CC2D1B: variants seen among roughly 807,000 people sequenced by gnomAD.
The protein encoded by CC2D1B is coiled-coil and C2 domain-containing protein 1B.
A neutral mutation model predicts 110.8 loss-of-function variants in CC2D1B; 92 were observed. The observed-to-expected ratio is 0.83, with a 90% CI of 0.70 to 0.99. The LOEUF (loss-of-function observed/expected upper bound fraction) is 0.99. CC2D1B is among the 50% of genes least tolerant of loss of function. The pLI is 0.00. For synonymous variants in CC2D1B, 406 were observed against 429.2 expected, an observed-to-expected ratio of 0.95 and a Z score of 0.67; for missense variants, 1,136 against 1,089.0, an observed-to-expected ratio of 1.04 and a Z score of -0.61.
intron 3 of CC2D1B, 45 bp downstream of exon 3, chr1:52,362,557 C>A: frequency 6.2e-7 from 1 of 1,611,362 alleles, no homozygotes; most frequent in Admixed American, 1.7e-5. Context: ...CCAGCCTGTG[C>A]CCATCTTGTC....
At chr1:52,355,352 C>T in intron 21 of CC2D1B, 46 bp downstream of exon 21, 1 of 1,600,344 alleles carries the variant, frequency 6.2e-7, no homozygotes, top group Non-Finnish European at 8.6e-7. Flanking sequence ...CCAGTGCTGC[C>T]CACACACTCT....
rs557312518 is a variant in CC2D1B, at chr1:52,359,076, C to T, written c.1208G>A (p.Arg403Gln). The T allele has an allele frequency of 1.1e-5, 18 of 1,609,174 alleles. No homozygotes were observed. The highest frequency in any genetic ancestry group is 2.2e-5 in the East Asian group (1 of 44,872). The change falls in exon 11 of 25, where the codon CGG becomes CAG. Residue 403 changes from arginine to glutamine, a missense_variant. By Grantham distance (43) the Arg-to-Gln change is conservative (BLOSUM62 1). Coordinates refer to ENST00000284376, the MANE Select transcript of CC2D1B (RefSeq NM_001330585.2). ...AGCCTTGCGCTCGTCCCCACCACTC[C>T]GGGCCTGGATGCCCGCCTCGCGGTA... Reference protein sequence around the residue: ...NKYREAGIQARSGGDERKARM... With the variant: ...NKYREAGIQAQSGGDERKARM...
intron 1 of CC2D1B, 63 bp from the exon 2 acceptor site, chr1:52,364,697 A>G: frequency 9.0e-7 from 1 of 1,112,492 alleles, no homozygotes; most frequent in Non-Finnish European, 1.3e-6. Context: ...CAACAGTGCT[A>G]CCCGTGGTAA....
Position 52,359,811 on chromosome 1 carries a change from G to A in CC2D1B, c.836C>T (p.Pro279Leu), listed in dbSNP as rs145906514. 306 of 1,611,572 alleles carry A rather than the reference G, an allele frequency of 1.9e-4. No homozygotes were observed. In the African/African-American group the frequency reaches 1.9e-3, roughly 10 times the overall value. Residue 279 changes from proline to leucine, a missense_variant, in exon 8 of 25, where the codon CCG (proline) becomes CTG (leucine). Pro to Leu is a moderately conservative substitution (Grantham distance 98). Transcript: ENST00000284376. ...CTGTCGGGATGACAGCAGGGCCCGC[G>A]GGTCTGGGTCTAAGTCTGAAACGGG... Reference protein sequence around the residue: ...AQPVSDLDPDPRALLSSRQRE... With the variant: ...AQPVSDLDPDLRALLSSRQRE...
intron 1 of CC2D1B, 97 bp from the exon 2 acceptor site, chr1:52,364,731 G>A: frequency 1.5e-6 from 1 of 682,840 alleles, no homozygotes; most frequent in Non-Finnish European, 2.4e-6. Flanking sequence ...AACTCCCAAA[G>A]AAGGCAATGC....
chr1:52,355,308 G>C, intron 21 of CC2D1B, 90 bp downstream of exon 21: 1 of 1,354,926 alleles, frequency 7.4e-7, no homozygotes, highest in Non-Finnish European at 1.0e-6. Flanking sequence ...GGTGGATCAA[G>C]TAAGGGCATA....
chr1:52,364,799 G>A (rs950228126), intron 1 of CC2D1B, among the ~76,000 whole-genome samples, 165 bp from the exon 2 acceptor site: 4 of 152,236 alleles, frequency 2.6e-5, no homozygotes, highest in African/African-American at 9.6e-5. Context: ...CAGGCCATGG[G>A]AGGGATGGGG....
intron 6 of CC2D1B, 31 bp from the exon 7 acceptor site, chr1:52,360,264 C>G: frequency 3.7e-6 from 6 of 1,612,156 alleles, no homozygotes; most frequent in Non-Finnish European, 5.1e-6. Context: ...AGAAACCCAG[C>G]CAGCCATCTC....
chr1:52,360,916 T>G (rs1238992396), intron 5 of CC2D1B, 58 bp downstream of exon 5: 1 of 1,596,694 alleles, frequency 6.3e-7, no homozygotes, highest in East Asian at 2.2e-5. Flanking sequence ...GCCACACACG[T>G]GTTACGTCTG....
At chr1:52,360,401 G>A (rs1335255842) in intron 6 of CC2D1B, 23 bp downstream of exon 6, 1 of 1,611,664 alleles carries the variant, frequency 6.2e-7, no homozygotes, top group South Asian at 1.1e-5. Flanking sequence ...CCCCTGCCCT[G>A]CTCCCAGCCT....
chr1:52,357,134 G>A lies in CC2D1B; in HGVS notation c.1753-8C>T. 6.2e-7 allele frequency: 1 copy of A among 1,613,804 alleles called. No homozygotes were observed. The highest frequency in any genetic ancestry group is 1.1e-5 in the South Asian group (1 of 91,022). ...CGTCAAGGGCGAAGGCACCTACCCAGGTCACAAGGCCCCTCGGGCCCCAAG... is the reference window on the plus strand; with the variant it reads ...CGTCAAGGGCGAAGGCACCTACCCAAGTCACAAGGCCCCTCGGGCCCCAAG... On this transcript the variant is annotated splice_region_variant and splice_polypyrimidine_tract_variant and intron_variant, in intron 15 of 24. Coordinates refer to ENST00000284376, the MANE Select transcript of CC2D1B (RefSeq NM_001330585.2).
intron 3 of CC2D1B, 21 bp from the exon 4 acceptor site, chr1:52,361,637 C>T (rs1253992232): frequency 6.2e-7 from 1 of 1,613,446 alleles, no homozygotes; most frequent in Admixed American, 1.7e-5. Context: ...AAGGTCACAA[C>T]AAGTCAGCAC....
chr1:52,365,586 T>C (rs990766368), intron 1 of CC2D1B, among the ~76,000 whole-genome samples: 1 of 152,194 alleles, frequency 6.6e-6, no homozygotes, highest in Admixed American at 6.5e-5. Flanking sequence ...CGGCAGAATA[T>C]GAAAACCTCT....
At position 52,357,542 on chromosome 1, in the gene CC2D1B, G is replaced by C. The variant is rs759381090; in HGVS notation, c.1736C>G (p.Pro579Arg). The C allele has an allele frequency of 8.8e-5, 139 of 1,578,932 alleles. 2 individuals carry two copies. In the South Asian group the frequency reaches 1.3e-3, roughly 15 times the overall value. The change falls in exon 15 of 25, where the codon CCT (proline) becomes CGT (arginine). Residue 579 changes from proline to arginine, a missense_variant. Coordinates refer to ENST00000284376, the MANE Select transcript of CC2D1B (RefSeq NM_001330585.2). ...AQIIQARSGR[P>R]VDLSKVPSPL... Reference sequence around the variant, plus strand: ...GGGACTCACCTTGGACAGATCAACAGGTCTGCCAGATCGGGCCTGGATGAT... The same window carrying C: ...GGGACTCACCTTGGACAGATCAACACGTCTGCCAGATCGGGCCTGGATGAT...
intron 21 of CC2D1B, 173 bp from the exon 22 acceptor site, chr1:52,355,112 TAC>T (rs1646619640): frequency 4.7e-6 from 3 of 641,830 alleles, no homozygotes; most frequent in Non-Finnish European, 8.3e-6. Context: ...TGAGTTTTTG[TAC>T]TCTTTTTAGT....
In CC2D1B at chr1:52,362,940, C is replaced by T. The variant is rs76931495; in HGVS notation, c.70-194G>A. ...CTTCCTAGGGACTCAACAAAAAACC[C>T]AGTAAGACCACACTGAAACTGAGAC... On this transcript the variant is annotated intron_variant, in intron 2 of 24. Coordinates refer to ENST00000284376, the MANE Select transcript of CC2D1B (RefSeq NM_001330585.2). 0.035 allele frequency among the ~76,000 whole-genome samples: 5,256 copies of T among 152,258 alleles called. 331 individuals are homozygous for T. Among genetic ancestry groups the T allele is most frequent in the African/African-American group, 0.12 (5,025 of 41,520 alleles).
chr1:52,362,613 G>A lies in CC2D1B; in HGVS notation c.203C>T (p.Pro68Leu), dbSNP rs1249106101. 2 of 1,614,144 alleles carry A rather than the reference G, an allele frequency of 1.2e-6. No individual in the cohort carries two copies. The highest frequency in any genetic ancestry group is 1.7e-6 in the Non-Finnish European group (2 of 1,180,032). The change falls in exon 3 of 25, where the codon CCC becomes CTC. Residue 68 changes from proline to leucine, a missense_variant. Transcript: ENST00000284376. ...GTGTCCAAACTCACCCTGCCCCTTG[G>A]GTGCTGGCTTCTTGCCTGTGGTTTG... is the stretch of plus-strand genomic sequence containing the variant. ...EAQTTGKKPA[P>L]KGQAPLPMAH... is the part of the protein sequence containing the mutation.
chr1:52,362,042 G>C (rs1646792139), intron 3 of CC2D1B, among the ~76,000 whole-genome samples: 1 of 152,232 alleles, frequency 6.6e-6, no homozygotes, highest in African/African-American at 2.4e-5. Context: ...TTAAGTGGCA[G>C]AGCTAGGATT....
intron 3 of CC2D1B, 111 bp downstream of exon 3, chr1:52,362,491 G>C: frequency 1.5e-6 from 2 of 1,324,930 alleles, no homozygotes; most frequent in Admixed American, 1.9e-5. Flanking sequence ...GATGGGTATT[G>C]GAAGGACCAG....
Sources: gnomAD v4.1 joint callset for allele counts (sites outside exome capture counted in the v4.1 genomes callset) on GRCh38, gnomAD v4.1.1 for gene constraint, MANE v1.5 for transcripts, NCBI Gene and HGNC (gene_info 2026-07-23, HGNC 2026-07-21) for gene names.